Variants in MAP2K5 observed in about 807,000 individuals in gnomAD.
MAP2K5 encodes mitogen-activated protein kinase kinase 5.
In MAP2K5, 49 loss-of-function variants were observed where a neutral mutation model predicts 83.1. That is an observed-to-expected ratio of 0.59 (90% CI 0.47 to 0.75). The LOEUF (loss-of-function observed/expected upper bound fraction) is 0.75, where lower values mean the gene tolerates loss of function less well. Among genes scored for constraint, MAP2K5 ranks in the 30% least tolerant of loss-of-function variants. The pLI, the probability that MAP2K5 is intolerant of heterozygous loss-of-function variation, is 0.00. For synonymous variants in MAP2K5, 202 were observed against 191.8 expected, an observed-to-expected ratio of 1.05 and a Z score of -0.44; for missense variants, 457 against 557.5, an observed-to-expected ratio of 0.82 and a Z score of 1.82.
chr15:67,752,706 A>G (rs1402447771), intron 19 of MAP2K5, among the ~76,000 whole-genome samples: 1 of 151,894 alleles, frequency 6.6e-6, no homozygotes, highest in Non-Finnish European at 1.5e-5. Flanking sequence ...AGAAAGAAAG[A>G]AATGGAAAGA....
chr15:67,737,544 G>A (rs1203732766), intron 17 of MAP2K5, among the ~76,000 whole-genome samples: 6 of 150,762 alleles, frequency 4.0e-5, no homozygotes, highest in African/African-American at 1.5e-4. Flanking sequence ...TAAAACAGAC[G>A]AGCTAAGTTC....
chr15:67,548,913 GAAA>G, intron 1 of MAP2K5: 43 of 589,366 alleles, frequency 7.3e-5, no homozygotes, highest in Admixed American at 8.9e-5. Context: ...ATTTATTTTT[GAAA>G]AAAAAAAAAA....
At chr15:67,729,740 G>A (rs2089180293) in intron 17 of MAP2K5, among the ~76,000 whole-genome samples, 1 of 152,084 alleles carries the variant, frequency 6.6e-6, no homozygotes, top group Non-Finnish European at 1.5e-5. Context: ...CTCCAGCCTG[G>A]GCAACAGAGC....
intron 21 of MAP2K5, 116 bp from the exon 22 acceptor site, chr15:67,806,530 C>A (rs1251193521): frequency 4.5e-6 from 4 of 888,726 alleles, no homozygotes; most frequent in Admixed American, 2.8e-5. Context: ...TCCCTCGTTA[C>A]CTCACAGGGT....
At chr15:67,682,723 C>G (rs2087850086) in intron 13 of MAP2K5, among the ~76,000 whole-genome samples, 1 of 151,560 alleles carries the variant, frequency 6.6e-6, no homozygotes, top group Admixed American at 6.6e-5. Flanking sequence ...GTCCCAGCTA[C>G]TTGGGAGGCT....
chr15:67,593,238 G>A (rs1449449796), intron 7 of MAP2K5, among the ~76,000 whole-genome samples: 1 of 152,186 alleles, frequency 6.6e-6, no homozygotes, highest in Non-Finnish European at 1.5e-5. Flanking sequence ...CTGAACAAGT[G>A]TGTCAACTCG....
chr15:67,778,091 AG>A lies in MAP2K5; in HGVS notation c.1242+5340del, dbSNP rs2090269235. Among the ~76,000 whole-genome samples, 1 of 152,220 alleles carries A rather than the reference AG, an allele frequency of 6.6e-6. No individual in the cohort carries two copies. The highest frequency in any genetic ancestry group is 1.5e-5 in the Non-Finnish European group (1 of 68,040). ...TTTCTCAGCTAAGGCTTTATGTATA[AG>A]AGGTGGTAATGTTTGGGGGCTAATA... On this transcript the variant is annotated intron_variant, in intron 21 of 21. Transcript: ENST00000178640. The surrounding 1 kb of genome is among the most constrained non-coding windows in gnomAD (Gnocchi z 5.0).
At chr15:67,752,256 AG>A (rs1174818486) in intron 19 of MAP2K5, among the ~76,000 whole-genome samples, 1 of 151,522 alleles carries the variant, frequency 6.6e-6, no homozygotes, top group African/African-American at 2.4e-5. Context: ...TAGTAGAGAC[AG>A]GGTTTCACCA....
At chr15:67,604,822 G>C (rs2085743727) in intron 8 of MAP2K5, among the ~76,000 whole-genome samples, 2 of 151,870 alleles carry the variant, frequency 1.3e-5, no homozygotes, top group African/African-American at 4.8e-5. Flanking sequence ...TTGAACCCGG[G>C]AGGTGGAGGT....
chr15:67,795,757 C>T (rs75404305), intron 21 of MAP2K5, among the ~76,000 whole-genome samples: 8 of 152,284 alleles, frequency 5.3e-5, no homozygotes, highest in Admixed American at 1.3e-4. Context: ...TCAAATATTT[C>T]GTGGCTGTAC....
chr15:67,778,335 G>A lies in MAP2K5; in HGVS notation c.1242+5583G>A, dbSNP rs2090272956. Among the ~76,000 whole-genome samples the A allele has an allele frequency of 1.3e-5, 2 of 152,058 alleles. No individual in the cohort carries two copies. Among genetic ancestry groups the A allele is most frequent in the African/African-American group, 4.8e-5 (2 of 41,388 alleles). On this transcript the variant is annotated intron_variant, in intron 21 of 21. Transcript: ENST00000178640. This position sits in a 1 kb window ranked among gnomAD's most constrained non-coding sequence, Gnocchi z 5.0. ...TCTGCGTGGTCCCTTTAAAAATCAG[G>A]GTAACCATGATGTTAGATTTTTGTC... is the stretch of plus-strand genomic sequence containing the variant.
rs751211582 is a variant in MAP2K5, at chr15:67,768,505, A to G, written c.1135-1097A>G. Reference sequence around the variant, plus strand: ...GCGCTGGAAGGTTGTATGTAATGATATATTGCTCATCCAAATGGCCAAAGC... The same window carrying G: ...GCGCTGGAAGGTTGTATGTAATGATGTATTGCTCATCCAAATGGCCAAAGC... On this transcript the variant is annotated intron_variant, in intron 19 of 21. Transcript: ENST00000178640. The surrounding 1 kb of genome is among the most constrained non-coding windows in gnomAD (Gnocchi z 4.0). 6.6e-6 allele frequency among the ~76,000 whole-genome samples: 1 copy of G among 152,184 alleles called. No homozygotes were observed. The highest frequency in any genetic ancestry group is 1.5e-5 in the Non-Finnish European group (1 of 68,024).
intron 1 of MAP2K5, chr15:67,549,020 G>A: frequency 6.9e-7 from 1 of 1,449,672 alleles, no homozygotes; most frequent in Non-Finnish European, 9.0e-7. Flanking sequence ...ACTCTGCTAA[G>A]TGCCCTGCTT....
rs2087356634 is a variant in MAP2K5, at chr15:67,665,617, C to T, written c.847+972C>T. On this transcript the variant is annotated intron_variant, in intron 13 of 21. Coordinates refer to ENST00000178640, the MANE Select transcript of MAP2K5 (RefSeq NM_145160.3). The surrounding 1 kb of genome is among the most constrained non-coding windows in gnomAD (Gnocchi z 4.2). ...TGGTTTTAATATCCTAGTGATTCCA[C>T]ATTTCTTCTGAAATCCTCCTTTTTA... 6.6e-6 allele frequency among the ~76,000 whole-genome samples: 1 copy of T among 152,146 alleles called. No homozygotes were observed. The highest frequency in any genetic ancestry group is 6.5e-5 in the Admixed American group (1 of 15,272).
At chr15:67,732,727 C>T (rs2089248896) in intron 17 of MAP2K5, among the ~76,000 whole-genome samples, 1 of 151,860 alleles carries the variant, frequency 6.6e-6, no homozygotes, top group Non-Finnish European at 1.5e-5. Flanking sequence ...GTTAATTTTC[C>T]CTGCTCCATA....
chr15:67,596,937 C>T (rs750564339), intron 7 of MAP2K5, among the ~76,000 whole-genome samples: 1 of 151,898 alleles, frequency 6.6e-6, no homozygotes, highest in Non-Finnish European at 1.5e-5. Context: ...TTTGGGAGGC[C>T]GAGTCGGGCG....
chr15:67,548,950 T>G (rs1012577025), intron 1 of MAP2K5: 1 of 1,217,418 alleles, frequency 8.2e-7, no homozygotes, highest in Non-Finnish European at 1.1e-6. Context: ...AAGACTATTA[T>G]GCAAATTGCC....
chr15:67,580,892 CA>C, intron 4 of MAP2K5, 69 bp downstream of exon 4: 5 of 1,062,688 alleles, frequency 4.7e-6, no homozygotes, highest in Admixed American at 3.4e-5. Context: ...GTTATGTTTC[CA>C]AAGGTTTAAA....
At chr15:67,626,075 T>C (rs539730551) in intron 8 of MAP2K5, among the ~76,000 whole-genome samples, 116 of 152,218 alleles carry the variant, frequency 7.6e-4, no homozygotes, top group Non-Finnish European at 1.3e-3. Flanking sequence ...TCTTTATATT[T>C]CAGTTCTTGA....
Sources: gnomAD v4.1 joint callset for allele counts (sites outside exome capture counted in the v4.1 genomes callset) on GRCh38, gnomAD v4.1.1 for gene constraint, Gnocchi (gnomAD v3.1) non-coding constraint, MANE v1.5 for transcripts, NCBI Gene and HGNC (gene_info 2026-07-23, HGNC 2026-07-21) for gene names.